The following NSUN6 variants were observed in gnomAD, a reference collection of about 807,000 sequenced individuals.
The protein encoded by NSUN6 is NOP2/Sun RNA methyltransferase 6.
Under a neutral mutation model 58.0 loss-of-function variants are expected in NSUN6, and 64 were observed. The observed-to-expected ratio is 1.10, with a 90% CI of 0.90 to 1.36. The LOEUF (loss-of-function observed/expected upper bound fraction) is 1.36, where lower values mean the gene tolerates loss of function less well. Ranked by LOEUF, NSUN6 falls within the 40% of genes most tolerant of loss-of-function variation. NSUN6 has a pLI of 0.00. For synonymous variants in NSUN6, 231 were observed against 193.9 expected (o/e 1.19, Z -1.59); for missense variants, 701 against 550.1 (o/e 1.27, Z -2.74).
At chr10:18,618,157 T>C (rs943222908) in intron 3 of NSUN6, among the ~76,000 whole-genome samples, 2 of 152,318 alleles carry the variant, frequency 1.3e-5, no homozygotes, top group Non-Finnish European at 2.9e-5. Context: ...ACATATCTCT[T>C]TGTGATTACT....
At chr10:18,637,188 C>G (rs1429482964) in intron 3 of NSUN6, among the ~76,000 whole-genome samples, 1 of 152,040 alleles carries the variant, frequency 6.6e-6, no homozygotes, top group South Asian at 2.1e-4. Context: ...GTCTAAAACT[C>G]CTGGCCTCAG....
intron 7 of NSUN6, among the ~76,000 whole-genome samples, chr10:18,591,105 A>C (rs985739705): frequency 2.6e-5 from 4 of 152,134 alleles, no homozygotes; most frequent in Admixed American, 6.6e-5. Context: ...AATACTATAA[A>C]CCCCTCCATG....
At chr10:18,640,025 T>A (rs1347014729) in intron 3 of NSUN6, among the ~76,000 whole-genome samples, 2 of 152,170 alleles carry the variant, frequency 1.3e-5, no homozygotes, top group Non-Finnish European at 2.9e-5. Context: ...TAAATGTCTA[T>A]CAATGGAGGA....
At chr10:18,609,789 A>T in intron 6 of NSUN6, 56 bp downstream of exon 6, 1 of 930,892 alleles carries the variant, frequency 1.1e-6, no homozygotes, top group East Asian at 2.5e-5. Context: ...GATTTCAAAT[A>T]ATTCACTGAT....
At chr10:18,588,874 G>C (rs777990574) in intron 7 of NSUN6, among the ~76,000 whole-genome samples, 6 of 152,054 alleles carry the variant, frequency 3.9e-5, no homozygotes, top group Admixed American at 2.6e-4. Flanking sequence ...CTAAATAATC[G>C]CAACTCCTCT....
At chr10:18,620,635 A>C (rs1038904375) in intron 3 of NSUN6, among the ~76,000 whole-genome samples, 2 of 152,156 alleles carry the variant, frequency 1.3e-5, no homozygotes, top group Middle Eastern at 3.2e-3. Flanking sequence ...CTTCGGCCTA[A>C]TTTCTCCTCA....
intron 3 of NSUN6, among the ~76,000 whole-genome samples, chr10:18,629,002 G>T (rs967759507): frequency 1.3e-5 from 2 of 152,186 alleles, no homozygotes; most frequent in African/African-American, 4.8e-5. Flanking sequence ...GGCAGCCAGA[G>T]AGAAAGGTCG....
chr10:18,616,343 T>A, intron 3 of NSUN6, 50 bp from the exon 4 acceptor site: 1 of 1,104,374 alleles, frequency 9.1e-7, no homozygotes. Flanking sequence ...CTCCAATGCC[T>A]ACCAATTTTT....
intron 8 of NSUN6, among the ~76,000 whole-genome samples, chr10:18,577,285 C>CA (rs1196903460): frequency 1.3e-5 from 2 of 152,166 alleles, no homozygotes; most frequent in Admixed American, 6.5e-5. Context: ...GGAAATATAA[C>CA]AAAGGCATTG....
intron 3 of NSUN6, among the ~76,000 whole-genome samples, chr10:18,636,202 G>A (rs2059208844): frequency 6.6e-6 from 1 of 151,930 alleles, no homozygotes; most frequent in Non-Finnish European, 1.5e-5. Flanking sequence ...CAAAGGGCAG[G>A]GGGTGCGGGA....
At chr10:18,570,604 G>T (rs115323015) in intron 8 of NSUN6, among the ~76,000 whole-genome samples, 3,909 of 110,732 alleles carry the variant, frequency 0.035, 168 homozygotes, top group African/African-American at 0.12. Context: ...CCATTCCACT[G>T]TCCATTCCAT....
At chr10:18,659,286 G>A (rs2059813101), upstream of NSUN6, 4 of 273,486 alleles carry the variant, frequency 1.5e-5, no homozygotes, top group African/African-American at 6.6e-5. Flanking sequence ...CCGTAAGTGC[G>A]CCGTCGTCAC....
rs764487773 is a variant in NSUN6 at position 18,576,322 on chromosome 10, C to G, written c.922+9627G>C. 3.3e-5 allele frequency among the ~76,000 whole-genome samples: 5 copies of G among 152,190 alleles called. No homozygotes were observed. The South Asian group carries it at 1.0e-3, about 32-fold the overall frequency. On this transcript the variant is annotated intron_variant, in intron 8 of 10. Transcript: ENST00000377304. Reference sequence around the variant, plus strand: ...ACTTCAGAAAAGTACCTCTGTCCCTCCTGGCTCTCCTCAGACTAGGTATTA... The same window carrying G: ...ACTTCAGAAAAGTACCTCTGTCCCTGCTGGCTCTCCTCAGACTAGGTATTA...
chr10:18,576,440 T>C (rs187930815), intron 8 of NSUN6, among the ~76,000 whole-genome samples: 86 of 152,262 alleles, frequency 5.6e-4, no homozygotes, highest in African/African-American at 1.8e-3. Flanking sequence ...ATGCCATAGT[T>C]GGTCCAACAT....
intron 8 of NSUN6, among the ~76,000 whole-genome samples, chr10:18,573,848 C>G (rs1020478756): frequency 1.3e-5 from 2 of 152,110 alleles, no homozygotes; most frequent in Non-Finnish European, 2.9e-5. Flanking sequence ...TCAAACTAAA[C>G]AAGAACTCGG....
At chr10:18,647,719 C>T (rs2059585890) in intron 2 of NSUN6, among the ~76,000 whole-genome samples, 1 of 144,512 alleles carries the variant, frequency 6.9e-6, no homozygotes, top group Non-Finnish European at 1.5e-5. Flanking sequence ...AGGCGCTCAA[C>T]ACCTTGTTTT....
chr10:18,588,931 CAGA>C (rs1217855342), intron 7 of NSUN6, among the ~76,000 whole-genome samples: 1 of 152,148 alleles, frequency 6.6e-6, no homozygotes. Flanking sequence ...GACAAACTGA[CAGA>C]AGTAGGCTTC....
At chr10:18,556,860 G>C (rs994833407) in intron 8 of NSUN6, among the ~76,000 whole-genome samples, 1 of 146,396 alleles carries the variant, frequency 6.8e-6, no homozygotes, top group African/African-American at 2.6e-5. Context: ...AATGGAGGAA[G>C]GAAGGGAATG....
chr10:18,553,431 T>A (rs1327475040), intron 8 of NSUN6, among the ~76,000 whole-genome samples: 1 of 146,426 alleles, frequency 6.8e-6, no homozygotes, highest in Non-Finnish European at 1.5e-5. Context: ...GAATGGAGAA[T>A]GGAATGGAAT....
Sources: allele counts gnomAD v4.1 joint callset (sites outside exome capture counted in the v4.1 genomes callset), GRCh38; gene constraint gnomAD v4.1.1; transcripts MANE v1.5; gene names NCBI Gene and HGNC (gene_info 2026-07-23, HGNC 2026-07-21).